The following ASTN2 variants were observed in gnomAD, a reference collection of about 807,000 sequenced individuals.
The protein encoded by ASTN2 is astrotactin 2.
In ASTN2, 54 loss-of-function variants were observed where a neutral mutation model predicts 139.8. The observed-to-expected ratio is 0.39, with a 90% confidence interval of 0.31 to 0.48. The LOEUF (loss-of-function observed/expected upper bound fraction) is 0.48, where lower values mean the gene tolerates loss of function less well. Ranked by LOEUF, ASTN2 falls within the 20% of genes least tolerant of loss-of-function variation. The pLI, the probability that ASTN2 is intolerant of heterozygous loss-of-function variation, is 0.95. For missense variants in ASTN2, 1,565 were observed against 1,725.1 expected (o/e 0.91, Z 1.64); for synonymous variants, 756 against 719.5 (o/e 1.05, Z -0.81).
chr9:117,134,266 TTATATATA>T (rs5900267), intron 4 of ASTN2, among the ~76,000 whole-genome samples: 10,457 of 92,452 alleles, frequency 0.11, 780 homozygotes, highest in East Asian at 0.36. Context: ...CTAATGAAAA[TTATATATA>T]TATATATATA....
intron 19 of ASTN2, chr9:116,612,869 G>A (rs1354913091): frequency 7.0e-6 from 1 of 143,222 alleles, no homozygotes; most frequent in Non-Finnish European, 1.5e-5. Flanking sequence ...ACTAAGATGA[G>A]AGCAGAACTG....
intron 20 of ASTN2, among the ~76,000 whole-genome samples, chr9:116,462,436 G>C (rs1323277746): frequency 6.6e-6 from 1 of 152,084 alleles, no homozygotes; most frequent in Non-Finnish European, 1.5e-5. Flanking sequence ...TCAATTCTTT[G>C]GGAATCCCTG....
At chr9:116,603,715 T>A (rs1855032949) in intron 19 of ASTN2, among the ~76,000 whole-genome samples, 1 of 152,306 alleles carries the variant, frequency 6.6e-6, no homozygotes, top group Admixed American at 6.5e-5. Flanking sequence ...GGATGAAAGG[T>A]AGGTACCAAC....
chr9:116,976,097 C>A lies in ASTN2; in HGVS notation c.1751+17G>T, dbSNP rs1318332077. ...TCCATTTCCCAGAATTATGCCCCAACAAGAAAGCCAACTCACCTGAGAATC... is the reference window on the plus strand; with the variant it reads ...TCCATTTCCCAGAATTATGCCCCAAAAAGAAAGCCAACTCACCTGAGAATC... On this transcript the variant is annotated intron_variant, in intron 9 of 22. Transcript: ENST00000313400. 1.9e-6 allele frequency: 3 copies of A among 1,613,182 alleles called. No homozygotes were observed. The highest frequency in any genetic ancestry group is 2.5e-6 in the Non-Finnish European group (3 of 1,179,300).
At chr9:117,321,545 A>G (rs1243156470) in intron 1 of ASTN2, among the ~76,000 whole-genome samples, 2 of 152,230 alleles carry the variant, frequency 1.3e-5, no homozygotes, top group East Asian at 1.9e-4. Context: ...GAGGAATGGA[A>G]TCAAGTTATA....
chr9:116,777,672 C>T lies in ASTN2; in HGVS notation c.2396+27960G>A, dbSNP rs150092486. ...TGAGAATTTGCATTTCACCAAACTCCCAGGTGATGCTGATGTTCCAATCTA... is the reference window on the plus strand; with the variant it reads ...TGAGAATTTGCATTTCACCAAACTCTCAGGTGATGCTGATGTTCCAATCTA... On this transcript the variant is annotated intron_variant, in intron 13 of 22. Coordinates refer to ENST00000313400, the MANE Select transcript of ASTN2 (RefSeq NM_001365068.1). Among the ~76,000 whole-genome samples, 147 of 152,184 alleles carry T rather than the reference C, an allele frequency of 9.7e-4. 1 individual carries two copies. Among genetic ancestry groups the T allele is most frequent in the Middle Eastern group, 3.4e-3 (1 of 294 alleles).
chr9:116,949,505 A>T (rs1588434823), intron 10 of ASTN2, among the ~76,000 whole-genome samples: 1 of 152,292 alleles, frequency 6.6e-6, no homozygotes, highest in East Asian at 1.9e-4. Flanking sequence ...CTGAGACTGT[A>T]TCAGAACTAG....
intron 16 of ASTN2, among the ~76,000 whole-genome samples, chr9:116,663,179 C>T (rs551697855): frequency 2.4e-4 from 37 of 152,258 alleles, no homozygotes; most frequent in South Asian, 2.1e-3. Flanking sequence ...ACAAGGCTTA[C>T]GGAATTGGAG....
chr9:116,455,280 C>T (rs1278674493), intron 20 of ASTN2, among the ~76,000 whole-genome samples: 11 of 146,808 alleles, frequency 7.5e-5, no homozygotes, highest in African/African-American at 2.3e-4. Flanking sequence ...ACCTGGGAGG[C>T]GGAGGTTGCA....
Position 116,917,945 on chromosome 9 carries a change from C to A in ASTN2, c.1890-54212G>T, listed in dbSNP as rs137935630. Reference sequence around the variant, plus strand: ...ATTCCTATGTGTTGTGGGAGGGACCCAGGGGGAGATAATTGAATCATGGGG... The same window carrying A: ...ATTCCTATGTGTTGTGGGAGGGACCAAGGGGGAGATAATTGAATCATGGGG... On this transcript the variant is annotated intron_variant, in intron 10 of 22. Coordinates refer to ENST00000313400, the MANE Select transcript of ASTN2 (RefSeq NM_001365068.1). Among the ~76,000 whole-genome samples the A allele has an allele frequency of 1.1e-3, 168 of 152,180 alleles. 1 individual carries two copies. The highest frequency in any genetic ancestry group is 4.0e-3 in the African/African-American group (164 of 41,516).
intron 3 of ASTN2, among the ~76,000 whole-genome samples, chr9:117,207,492 T>C (rs1242881595): frequency 6.6e-6 from 1 of 152,154 alleles, no homozygotes; most frequent in Non-Finnish European, 1.5e-5. Flanking sequence ...ATAGCAGGCC[T>C]AAGAAACTGT....
chr9:117,205,707 A>G (rs544531613), intron 3 of ASTN2, among the ~76,000 whole-genome samples: 4 of 152,320 alleles, frequency 2.6e-5, no homozygotes, highest in African/African-American at 9.6e-5. Flanking sequence ...GGAAGGGGCC[A>G]AACTAAAAAA....
chr9:116,678,562 A>T (rs1158069229), intron 16 of ASTN2, among the ~76,000 whole-genome samples: 1 of 152,164 alleles, frequency 6.6e-6, no homozygotes, highest in Non-Finnish European at 1.5e-5. Context: ...GAGGGTTTTA[A>T]AGATTGTCTT....
At chr9:117,112,933 A>G (rs1436589929) in intron 4 of ASTN2, among the ~76,000 whole-genome samples, 1 of 152,204 alleles carries the variant, frequency 6.6e-6, no homozygotes, top group East Asian at 1.9e-4. Flanking sequence ...CAAAATGGAA[A>G]AGATTTGAAG....
At chr9:116,803,528 T>A (rs1484094377) in intron 13 of ASTN2, among the ~76,000 whole-genome samples, 339 of 39,148 alleles carry the variant, frequency 8.7e-3, no homozygotes, top group East Asian at 0.048. Context: ...ATATATTTTT[T>A]TTTTTTTTTT....
rs1829503486 is a variant in ASTN2 at position 117,120,008 on chromosome 9, GTGTGTGTGTGTATATATATATATATATA to G, written c.1168+21290_1168+21317del. Among the ~76,000 whole-genome samples, 56 of 45,634 alleles carry G rather than the reference GTGTGTGTGTGTATATATATATATATATA, an allele frequency of 1.2e-3. No individual in the cohort carries two copies. In the South Asian group the frequency reaches 0.056, roughly 46 times the overall value. 29.9% of individuals were successfully genotyped at this position (45,634 alleles called of 152,430 possible). A position where few individuals can be genotyped will look rare whatever the true frequency, so the allele number is the denominator to read the frequency against. ...TATTTGTATGTGTGTGTGTGTGTGT[GTGTGTGTGTGTATATATATATATATATA>G]TATATATATATATACCCTGAGTATA... is the stretch of plus-strand genomic sequence containing the variant. On this transcript the variant is annotated intron_variant, in intron 4 of 22. Transcript: ENST00000313400.
intron 21 of ASTN2, 93 bp downstream of exon 21, chr9:116,442,360 T>C (rs1847865007): frequency 2.1e-6 from 2 of 958,944 alleles, no homozygotes; most frequent in South Asian, 1.3e-5. Context: ...TGTCAGGGTG[T>C]GCGTGTGTGT....
intron 4 of ASTN2, among the ~76,000 whole-genome samples, chr9:117,128,392 A>AAG (rs1194899709): frequency 2.0e-5 from 3 of 151,290 alleles, no homozygotes; most frequent in African/African-American, 7.3e-5. Flanking sequence ...AAAAAAAAAA[A>AAG]AAAAAAAAGA....
chr9:117,404,739 G>T (rs1830932371), intron 1 of ASTN2, among the ~76,000 whole-genome samples: 1 of 152,046 alleles, frequency 6.6e-6, no homozygotes, highest in Non-Finnish European at 1.5e-5. Flanking sequence ...CCCAAAAAAG[G>T]ACATAGAGCT....
Sources: gnomAD v4.1 joint callset for allele counts (sites outside exome capture counted in the v4.1 genomes callset) on GRCh38, gnomAD v4.1.1 for gene constraint, MANE v1.5 for transcripts, NCBI Gene and HGNC (gene_info 2026-07-23, HGNC 2026-07-21) for gene names.